The following STAG1 variants were observed in gnomAD, a reference collection of about 807,000 sequenced individuals.
STAG1 encodes the protein STAG1 cohesin complex component.
STAG1 carries 26 observed loss-of-function variants against 170.9 expected under a neutral mutation model. The ratio of observed to expected loss-of-function variants is 0.15; its 90% CI spans 0.11 to 0.21. The LOEUF (loss-of-function observed/expected upper bound fraction) is 0.21, where lower values mean the gene tolerates loss of function less well. Ranked by LOEUF, STAG1 falls within the 10% of genes least tolerant of loss-of-function variation. The pLI, the probability that STAG1 is intolerant of heterozygous loss-of-function variation, is 1.00. For missense variants in STAG1, 964 were observed against 1,509.5 expected, an observed-to-expected ratio of 0.64 and a Z score of 5.99; for synonymous variants, 514 against 497.7, an observed-to-expected ratio of 1.03 and a Z score of -0.44.
chr3:136,386,710 A>AT (rs1429352800), intron 22 of STAG1, among the ~76,000 whole-genome samples: 1 of 151,756 alleles, frequency 6.6e-6, no homozygotes, highest in Non-Finnish European at 1.5e-5. Flanking sequence ...TTTTTTTGGT[A>AT]TTTTTTTGTA....
chr3:136,632,119 A>C (rs1187173784), intron 1 of STAG1, among the ~76,000 whole-genome samples: 1 of 152,100 alleles, frequency 6.6e-6, no homozygotes, highest in Non-Finnish European at 1.5e-5. Flanking sequence ...GTACTGACAG[A>C]GGGGGAAAAA....
intron 13 of STAG1, among the ~76,000 whole-genome samples, chr3:136,452,983 T>G (rs1475056224): frequency 6.6e-6 from 1 of 152,004 alleles, no homozygotes; most frequent in Non-Finnish European, 1.5e-5. Context: ...AGAGATGAGG[T>G]TTCACCATGT....
At position 136,689,911 on chromosome 3, in the gene STAG1, G is replaced by A. The variant is rs550918478; in HGVS notation, c.-83-58930C>T. Among the ~76,000 whole-genome samples, 6 of 151,830 alleles carry A rather than the reference G, an allele frequency of 4.0e-5. No individual in the cohort carries two copies. In the East Asian group the frequency reaches 5.8e-4, roughly 15 times the overall value. ...ACAAAAATTAGCCAGGCGTGGTGGC[G>A]CATGCCTATAATCCCAGCTACTCAG... On this transcript the variant is annotated intron_variant, in intron 1 of 33. Coordinates refer to ENST00000383202, the MANE Select transcript of STAG1 (RefSeq NM_005862.3).
At chr3:136,671,092 C>G (rs545212451) in intron 1 of STAG1, among the ~76,000 whole-genome samples, 8 of 152,070 alleles carry the variant, frequency 5.3e-5, no homozygotes, top group Admixed American at 5.2e-4. Context: ...CAAGACCAGC[C>G]TGGCCAAAAT....
At chr3:136,621,375 C>A (rs1389345074) in intron 3 of STAG1, among the ~76,000 whole-genome samples, 1 of 152,180 alleles carries the variant, frequency 6.6e-6, no homozygotes, top group African/African-American at 2.4e-5. Flanking sequence ...TTAAGCAAAT[C>A]TAGTCTTATT....
intron 28 of STAG1, 37 bp downstream of exon 28, chr3:136,357,683 A>G: frequency 6.5e-7 from 1 of 1,528,484 alleles, no homozygotes; most frequent in Non-Finnish European, 8.8e-7. Flanking sequence ...CAACAGTATT[A>G]TTATAAAAAC....
At chr3:136,552,617 G>T (rs181853115) in intron 5 of STAG1, among the ~76,000 whole-genome samples, 1 of 152,122 alleles carries the variant, frequency 6.6e-6, no homozygotes, top group East Asian at 1.9e-4. Context: ...AGAGGGTCTA[G>T]AAGAAATAAC....
intron 5 of STAG1, among the ~76,000 whole-genome samples, chr3:136,560,704 G>C (rs1001195901): frequency 2.6e-5 from 4 of 152,182 alleles, no homozygotes; most frequent in African/African-American, 9.7e-5. Flanking sequence ...TTTCAGCAGA[G>C]TTAGAAAAAC....
rs570256078 is a variant in STAG1 at position 136,523,310 on chromosome 3, T to C, written c.472-1893A>G. ...ACTGTGGTTTTGATTTGCATTTCTC[T>C]GACGGCCAGAGATAATGAGCATTTT... On this transcript the variant is annotated intron_variant, in intron 6 of 33. Coordinates refer to ENST00000383202, the MANE Select transcript of STAG1 (RefSeq NM_005862.3). 4.6e-5 allele frequency among the ~76,000 whole-genome samples: 7 copies of C among 152,358 alleles called. No homozygotes were observed. The South Asian group carries it at 1.2e-3, about 27-fold the overall frequency.
intron 4 of STAG1, among the ~76,000 whole-genome samples, chr3:136,581,804 A>T (rs1937596088): frequency 6.6e-6 from 1 of 152,176 alleles, no homozygotes; most frequent in Admixed American, 6.5e-5. Context: ...TATATTAAAA[A>T]TTCACATATA....
chr3:136,344,806 G>T (rs1430003951), intron 29 of STAG1, among the ~76,000 whole-genome samples: 2 of 151,320 alleles, frequency 1.3e-5, no homozygotes, highest in Non-Finnish European at 2.9e-5. Flanking sequence ...GAGAGACGGG[G>T]TATCATTATG....
chr3:136,613,309 G>A (rs1285895715), intron 3 of STAG1, among the ~76,000 whole-genome samples: 2 of 9,292 alleles, frequency 2.2e-4, no homozygotes, highest in Non-Finnish European at 4.8e-4. Context: ...GTGAGACTCC[G>A]TCTCAAAAAA....
At chr3:136,373,828 G>T (rs1937475214) in intron 23 of STAG1, among the ~76,000 whole-genome samples, 1 of 152,178 alleles carries the variant, frequency 6.6e-6, no homozygotes, top group Non-Finnish European at 1.5e-5. Context: ...CTGTTGATTT[G>T]GGGTGGAGAG....
intron 1 of STAG1, among the ~76,000 whole-genome samples, chr3:136,723,984 G>T (rs1933498571): frequency 6.7e-6 from 1 of 150,066 alleles, no homozygotes; most frequent in African/African-American, 2.5e-5. Context: ...GAGGTGGGGG[G>T]GTCAGCCCCC....
At chr3:136,731,626 T>C (rs1934046982) in intron 1 of STAG1, among the ~76,000 whole-genome samples, 1 of 152,236 alleles carries the variant, frequency 6.6e-6, no homozygotes, top group South Asian at 2.1e-4. Context: ...TGAGTCTTCA[T>C]ATGCCCCTCC....
chr3:136,643,495 G>A (rs1028686237), intron 1 of STAG1, among the ~76,000 whole-genome samples: 4 of 152,156 alleles, frequency 2.6e-5, no homozygotes, highest in Admixed American at 6.5e-5. Context: ...GCAGGAGGCT[G>A]GAGTAGAACA....
At chr3:136,465,293 C>T (rs142011033) in intron 12 of STAG1, among the ~76,000 whole-genome samples, 4 of 144,602 alleles carry the variant, frequency 2.8e-5, no homozygotes, top group African/African-American at 1.0e-4. Flanking sequence ...GATCTTGGCT[C>T]ACTGCAACCT....
intron 13 of STAG1, among the ~76,000 whole-genome samples, chr3:136,453,403 C>T (rs1230748970): frequency 4.0e-5 from 6 of 151,824 alleles, no homozygotes; most frequent in Non-Finnish European, 8.8e-5. Flanking sequence ...CATCCTGGCT[C>T]ACACAGTGAA....
intron 2 of STAG1, among the ~76,000 whole-genome samples, chr3:136,626,191 G>T (rs931611778): frequency 6.6e-6 from 1 of 152,180 alleles, no homozygotes; most frequent in African/African-American, 2.4e-5. Context: ...ACTTTGGGAG[G>T]CCAAGGCCAG....
Sources: allele counts gnomAD v4.1 joint callset (sites outside exome capture counted in the v4.1 genomes callset), GRCh38; gene constraint gnomAD v4.1.1; transcripts MANE v1.5; gene names NCBI Gene and HGNC (gene_info 2026-07-23, HGNC 2026-07-21).